The following NAF1 variants were observed in gnomAD, a reference collection of about 807,000 sequenced individuals.
The protein encoded by NAF1 is H/ACA ribonucleoprotein complex non-core subunit NAF1.
Under a neutral mutation model 40.6 loss-of-function variants are expected in NAF1, and 11 were observed. The ratio of observed to expected loss-of-function variants is 0.27; its 90% confidence interval spans 0.17 to 0.45. The LOEUF (loss-of-function observed/expected upper bound fraction) is 0.45, where lower values mean the gene tolerates loss of function less well. Ranked by LOEUF, NAF1 falls within the 20% of genes least tolerant of loss-of-function variation. NAF1 has a pLI of 1.00. For synonymous variants in NAF1, 260 were observed against 228.5 expected (o/e 1.14, Z -1.24); for missense variants, 607 against 611.1 (o/e 0.99, Z 0.07).
At chr4:163,120,601 G>GT (rs1309984680) in intron 2 of NAF1, among the ~76,000 whole-genome samples, 1 of 152,170 alleles carries the variant, frequency 6.6e-6, no homozygotes, top group Non-Finnish European at 1.5e-5. Flanking sequence ...TAAAATATGC[G>GT]TAACAATTAG....
intron 5 of NAF1, among the ~76,000 whole-genome samples, chr4:163,138,361 C>T (rs1731135172): frequency 6.6e-6 from 1 of 152,106 alleles, no homozygotes; most frequent in Non-Finnish European, 1.5e-5. Flanking sequence ...GCACATATGA[C>T]ATCTCATGAT....
chr4:163,141,398 G>C (rs1731256982), intron 4 of NAF1, among the ~76,000 whole-genome samples: 1 of 152,130 alleles, frequency 6.6e-6, no homozygotes, highest in African/African-American at 2.4e-5. Context: ...ATCAATGCCA[G>C]TATAGATTTT....
chr4:163,138,050 T>C (rs1361922138), intron 5 of NAF1, among the ~76,000 whole-genome samples: 3 of 152,186 alleles, frequency 2.0e-5, no homozygotes, highest in Non-Finnish European at 4.4e-5. Context: ...TATTCCATTA[T>C]GTTAAAATAT....
At chr4:163,157,551 C>T (rs1255351009) in intron 2 of NAF1, 1 of 151,752 alleles carries the variant, frequency 6.6e-6, no homozygotes, top group Non-Finnish European at 1.5e-5. Flanking sequence ...AAAAAGACAA[C>T]ACATTAATAC....
intron 2 of NAF1, among the ~76,000 whole-genome samples, chr4:163,163,828 C>T (rs1276066075): frequency 1.3e-5 from 2 of 151,828 alleles, no homozygotes; most frequent in African/African-American, 4.8e-5. Context: ...AATTTTCTGA[C>T]GTGCAGACCA....
intron 6 of NAF1, chr4:163,135,220 C>T (rs1731009556): frequency 1.3e-5 from 2 of 152,034 alleles, no homozygotes; most frequent in African/African-American, 4.8e-5. Context: ...TCTCCTTTTT[C>T]TCTTTTTAAG....
At position 163,129,061 on chromosome 4, in the gene NAF1, G is replaced by C; in HGVS notation, c.1321C>G (p.Pro441Ala). Residue 441 changes from proline (P) to alanine (A), a missense_variant, in exon 8 of 8, where the codon CCA (proline) becomes GCA (alanine). This residue lies in a region of NAF1 where 189 missense variants were observed against 216.6 expected (regional missense o/e 0.87). Coordinates refer to ENST00000274054, the MANE Select transcript of NAF1 (RefSeq NM_138386.3). ...MHNFPLRPPP[P>A]PPPPPVNMGW... ...ATGTTTACAGGTGGGGGTGGTGGTG[G>C]GGGTGGAGGGCGGAGGGGAAAATTA... 1.3e-6 allele frequency: 2 copies of C among 1,538,714 alleles called. No homozygotes were observed. Among genetic ancestry groups the C allele is most frequent in the South Asian group, 1.2e-5 (1 of 83,840 alleles).
intron 2 of NAF1, among the ~76,000 whole-genome samples, chr4:163,152,295 GATC>G (rs1162523680): frequency 6.6e-6 from 1 of 152,156 alleles, no homozygotes; most frequent in African/African-American, 2.4e-5. Flanking sequence ...ATCATTTTGA[GATC>G]ATTATAACGT....
intron 2 of NAF1, among the ~76,000 whole-genome samples, chr4:163,160,191 T>A (rs1186975784): frequency 6.6e-6 from 1 of 152,154 alleles, no homozygotes; most frequent in African/African-American, 2.4e-5. Context: ...TTCTGAGCAT[T>A]AAAAAAGAAT....
rs548366882 is a variant in NAF1 at position 163,141,701 on chromosome 4, G to T, written c.718-1318C>A. ...AAAAATTGATTTGTAAGGAGTGGAG[G>T]TATTGAAGCTGAAAGTACGATAATT... On this transcript the variant is annotated intron_variant, in intron 4 of 7. Transcript: ENST00000274054. 7.9e-5 allele frequency among the ~76,000 whole-genome samples: 12 copies of T among 152,238 alleles called. No homozygotes were observed. In the East Asian group the frequency reaches 2.1e-3, roughly 27 times the overall value.
At position 163,129,272 on chromosome 4, in the gene NAF1, G is replaced by A. The variant is rs549515694; in HGVS notation, c.1110C>T (p.Asn370=). 4 of 1,614,118 alleles carry A rather than the reference G, an allele frequency of 2.5e-6. No homozygotes were observed. The South Asian group carries it at 3.3e-5, about 13-fold the overall frequency. The change falls in exon 8 of 8, where the codon AAC becomes AAT. Residue 370 remains asparagine (N), a synonymous_variant. Coordinates refer to ENST00000274054, the MANE Select transcript of NAF1 (RefSeq NM_138386.3). ...TGGAAAATCCTCGTGTGAATTCTCT[G>A]TTACGATATCCTTTTGCATGCTCTG... is the stretch of plus-strand genomic sequence containing the variant. ...SASEHAKGYR[N]REFTRGFSRA...
At chr4:163,105,166 T>C (rs1488525160), downstream of NAF1, among the ~76,000 whole-genome samples, 1 of 152,222 alleles carries the variant, frequency 6.6e-6, no homozygotes, top group Non-Finnish European at 1.5e-5. Flanking sequence ...GGTTAAGATA[T>C]CAGCCATGGG....
intron 2 of NAF1, among the ~76,000 whole-genome samples, chr4:163,159,721 A>G (rs566863173): frequency 6.4e-4 from 97 of 152,154 alleles, no homozygotes; most frequent in Non-Finnish European, 1.1e-3. Flanking sequence ...TTTATAAAAT[A>G]AGCAGTCACC....
At position 163,147,971 on chromosome 4, in the gene NAF1, G is replaced by T. The variant is rs141762792; in HGVS notation, c.634+370C>A. Among the ~76,000 whole-genome samples, 968 of 152,124 alleles carry T rather than the reference G, an allele frequency of 6.4e-3. 14 individuals carry two copies. The highest frequency in any genetic ancestry group is 0.022 in the African/African-American group (894 of 41,514). Reference sequence around the variant, plus strand: ...CCTAGTACCTACAGAAAATAACTCAGCCCTGTTAACACCTTTGATTTTAAG... The same window carrying T: ...CCTAGTACCTACAGAAAATAACTCATCCCTGTTAACACCTTTGATTTTAAG... On this transcript the variant is annotated intron_variant, in intron 3 of 7. Transcript: ENST00000274054.
intron 2 of NAF1, chr4:163,110,300 G>C (rs1394306716): frequency 2.9e-6 from 2 of 699,912 alleles, no homozygotes; most frequent in African/African-American, 1.7e-5. Context: ...TCTGAAAATA[G>C]GTGAGGTAAA....
At chr4:163,108,811 T>C (rs911279164), downstream of NAF1, 2 of 152,226 alleles carry the variant, frequency 1.3e-5, no homozygotes, top group African/African-American at 4.8e-5. Flanking sequence ...GGGCCTACTA[T>C]GTGCCAGGCA....
At chr4:163,104,601 T>C in the NAF1 span, among the ~76,000 whole-genome samples, 2 of 152,198 alleles carry the variant, frequency 1.3e-5, no homozygotes, top group Admixed American at 1.3e-4. Context: ...TATAGTAAAG[T>C]ATCAAGAATA....
Position 163,129,257 on chromosome 4 carries a change from T to C in NAF1, c.1125A>G (p.Arg375=). 6.2e-7 allele frequency: 1 copy of C among 1,614,130 alleles called. No individual in the cohort carries two copies. Among genetic ancestry groups the C allele is most frequent in the Non-Finnish European group, 8.5e-7 (1 of 1,179,992 alleles). Reference sequence around the variant, plus strand: ...GAGGGTATCTGGCCCTGGAAAATCCTCGTGTGAATTCTCTGTTACGATATC... The same window carrying C: ...GAGGGTATCTGGCCCTGGAAAATCCCCGTGTGAATTCTCTGTTACGATATC... ...AKGYRNREFT[R]GFSRARYPRS... is the part of the protein sequence containing the mutation. The change falls in exon 8 of 8, where the codon CGA becomes CGG. Residue 375 remains arginine, a synonymous_variant. Transcript: ENST00000274054.
intron 6 of NAF1, among the ~76,000 whole-genome samples, chr4:163,134,842 G>T (rs1448847187): frequency 6.6e-6 from 1 of 152,102 alleles, no homozygotes; most frequent in Non-Finnish European, 1.5e-5. Flanking sequence ...AATTGGAGAA[G>T]CTTACAAAGA....
Sources: allele counts gnomAD v4.1 joint callset (sites outside exome capture counted in the v4.1 genomes callset), GRCh38; gene constraint gnomAD v4.1.1; regional missense constraint gnomAD v4.1.1; transcripts MANE v1.5; gene names NCBI Gene and HGNC (gene_info 2026-07-23, HGNC 2026-07-21).